NDST3: variants seen among roughly 807,000 people sequenced by gnomAD.
NDST3 encodes the protein bifunctional heparan sulfate N-deacetylase/N-sulfotransferase 3.
Under a neutral mutation model 96.1 loss-of-function variants are expected in NDST3, and 58 were observed. That is an observed-to-expected ratio of 0.60 (90% CI 0.49 to 0.75). The LOEUF (loss-of-function observed/expected upper bound fraction) is 0.75, where lower values mean the gene tolerates loss of function less well. Ranked by LOEUF, NDST3 falls within the 30% of genes least tolerant of loss-of-function variation. The pLI is 0.00. For missense variants in NDST3, 788 were observed against 1,034.2 expected, an observed-to-expected ratio of 0.76 and a Z score of 3.27; for synonymous variants, 333 against 359.7, an observed-to-expected ratio of 0.93 and a Z score of 0.84.
At chr4:118,081,962 T>G (rs1728058798) in intron 2 of NDST3, among the ~76,000 whole-genome samples, 1 of 152,152 alleles carries the variant, frequency 6.6e-6, no homozygotes, top group Admixed American at 6.6e-5. Context: ...AGCAAACACA[T>G]AAATCATGTT....
chr4:118,050,897 G>A (rs1725036428), intron 1 of NDST3, among the ~76,000 whole-genome samples: 1 of 152,098 alleles, frequency 6.6e-6, no homozygotes, highest in South Asian at 2.1e-4. Context: ...AACCAAAAAA[G>A]AGCCCGAATA....
At chr4:118,076,464 C>T (rs374798441) in intron 2 of NDST3, among the ~76,000 whole-genome samples, 14 of 37,544 alleles carry the variant, frequency 3.7e-4, no homozygotes, top group African/African-American at 5.3e-4. Flanking sequence ...TACATAATCC[C>T]ATATTCTCAG....
intron 4 of NDST3, among the ~76,000 whole-genome samples, chr4:118,127,419 G>A (rs1001548651): frequency 6.6e-6 from 1 of 152,050 alleles, no homozygotes; most frequent in African/African-American, 2.4e-5. Flanking sequence ...TGGAAATCTA[G>A]TTTTTCAAGC....
intron 2 of NDST3, among the ~76,000 whole-genome samples, chr4:118,090,113 T>A (rs1728745302): frequency 6.6e-6 from 1 of 151,964 alleles, no homozygotes; most frequent in Admixed American, 6.6e-5. Context: ...CACGACATTG[T>A]CTTAAAGCAT....
chr4:118,226,845 T>A (rs376118206), intron 7 of NDST3, 41 bp from the exon 8 acceptor site: 25 of 1,423,986 alleles, frequency 1.8e-5, no homozygotes, highest in Non-Finnish European at 2.2e-5. Flanking sequence ...ATGGACACAT[T>A]CATGAAAAAA....
chr4:118,079,537 G>A (rs1727845122), intron 2 of NDST3, among the ~76,000 whole-genome samples: 1 of 152,170 alleles, frequency 6.6e-6, no homozygotes, highest in African/African-American at 2.4e-5. Flanking sequence ...AGTGTGCGTG[G>A]AGCACAGTGA....
chr4:118,223,944 G>C (rs959646433), intron 6 of NDST3, among the ~76,000 whole-genome samples: 2 of 152,026 alleles, frequency 1.3e-5, no homozygotes, highest in African/African-American at 4.8e-5. Context: ...CCCATTCTAC[G>C]TCTACATCCC....
In NDST3 at chr4:118,066,283, A is replaced by T. The variant is rs868217345; in HGVS notation, c.981+11392A>T. Among the ~76,000 whole-genome samples the T allele has an allele frequency of 3.3e-3, 16 of 4,784 alleles. 1 individual carries two copies. Among genetic ancestry groups the T allele is most frequent in the Non-Finnish European group, 0.01 (6 of 574 alleles). The allele number at this position is 4,784 out of a possible 152,430, so 3.1% of individuals were successfully genotyped here. A position where few individuals can be genotyped will look rare whatever the true frequency, so the allele number is the denominator to read the frequency against. ...ATATATATTATATATATTATATATTATATATATTATATATATTATGTATTA... is the reference window on the plus strand; with the variant it reads ...ATATATATTATATATATTATATATTTTATATATTATATATATTATGTATTA... On this transcript the variant is annotated intron_variant, in intron 2 of 13. Coordinates refer to ENST00000296499, the MANE Select transcript of NDST3 (RefSeq NM_004784.3).
At chr4:118,249,061 C>T (rs969577432) in intron 12 of NDST3, among the ~76,000 whole-genome samples, 1 of 152,146 alleles carries the variant, frequency 6.6e-6, no homozygotes, top group African/African-American at 2.4e-5. Flanking sequence ...CTCAGTGAAG[C>T]CCAGCATGAC....
chr4:118,112,268 G>A (rs548911305), intron 3 of NDST3, among the ~76,000 whole-genome samples: 67 of 152,260 alleles, frequency 4.4e-4, no homozygotes, highest in African/African-American at 1.4e-3. Context: ...CTGCTGCTCT[G>A]TTCTGATAAA....
At chr4:118,156,486 T>C (rs1232340377) in intron 6 of NDST3, among the ~76,000 whole-genome samples, 1 of 152,208 alleles carries the variant, frequency 6.6e-6, no homozygotes, top group African/African-American at 2.4e-5. Context: ...TGCAAAAGTT[T>C]TGGCACATAG....
intron 2 of NDST3, among the ~76,000 whole-genome samples, chr4:118,066,218 AATATATTAT>A (rs1726374774): frequency 1.6e-5 from 1 of 62,858 alleles, no homozygotes; most frequent in African/African-American, 7.0e-5. Flanking sequence ...TATTATACAT[AATATATTAT>A]ATATATTATA....
chr4:118,063,521 G>T (rs1365512390), intron 2 of NDST3, among the ~76,000 whole-genome samples: 1 of 152,070 alleles, frequency 6.6e-6, no homozygotes, highest in African/African-American at 2.4e-5. Context: ...TTGGTTAAGA[G>T]AATTTATTTC....
chr4:118,212,026 A>T (rs1315753411), intron 6 of NDST3, among the ~76,000 whole-genome samples: 2 of 151,738 alleles, frequency 1.3e-5, no homozygotes, highest in Non-Finnish European at 2.9e-5. Flanking sequence ...TTTCCATTCC[A>T]CTTTCCCTTG....
chr4:118,147,089 A>G (rs1734003502), intron 6 of NDST3, among the ~76,000 whole-genome samples: 1 of 152,204 alleles, frequency 6.6e-6, no homozygotes, highest in Non-Finnish European at 1.5e-5. Context: ...AATTGTATAG[A>G]CAGTAATTGA....
intron 6 of NDST3, among the ~76,000 whole-genome samples, chr4:118,221,738 C>G (rs1056306315): frequency 6.6e-6 from 1 of 151,988 alleles, no homozygotes; most frequent in African/African-American, 2.4e-5. Context: ...AACCATCTGG[C>G]TATACACATC....
chr4:118,157,855 A>C (rs1464351798), intron 6 of NDST3, among the ~76,000 whole-genome samples: 3 of 152,226 alleles, frequency 2.0e-5, no homozygotes, highest in African/African-American at 7.2e-5. Flanking sequence ...TGTGTATGTA[A>C]TATATTACAC....
At chr4:118,167,633 A>G (rs553205748) in intron 6 of NDST3, among the ~76,000 whole-genome samples, 1 of 152,176 alleles carries the variant, frequency 6.6e-6, no homozygotes, top group South Asian at 2.1e-4. Flanking sequence ...ACAAAGCTGG[A>G]AGCATCCTAC....
intron 6 of NDST3, among the ~76,000 whole-genome samples, chr4:118,147,106 T>C (rs1734004655): frequency 6.6e-6 from 1 of 152,244 alleles, no homozygotes; most frequent in South Asian, 2.1e-4. Context: ...TTGAAGAGTA[T>C]TTCAGTTCCT....
Sources: gnomAD v4.1 joint callset for allele counts (sites outside exome capture counted in the v4.1 genomes callset) on GRCh38, gnomAD v4.1.1 for gene constraint, MANE v1.5 for transcripts, NCBI Gene and HGNC (gene_info 2026-07-23, HGNC 2026-07-21) for gene names.